Variants in POU2F1 observed in about 807,000 individuals in gnomAD.
The protein encoded by POU2F1 is POU domain, class 2, transcription factor 1.
A neutral mutation model predicts 84.9 loss-of-function variants in POU2F1; 16 were observed. The observed-to-expected ratio is 0.19, with a 90% confidence interval of 0.13 to 0.29. The LOEUF is 0.29. Ranked by LOEUF, POU2F1 falls within the 10% of genes least tolerant of loss-of-function variation. The pLI is 1.00. For missense variants in POU2F1, 738 were observed against 942.6 expected (o/e 0.78, Z 2.84); for synonymous variants, 368 against 368.3 (o/e 1.00, Z 0.01).
rs970076058 is a variant in POU2F1 at position 167,419,620 on chromosome 1, A to G, written c.*3810A>G. 6.6e-5 allele frequency: 10 copies of G among 152,262 alleles called. No homozygotes were observed. Among genetic ancestry groups the G allele is most frequent in the Non-Finnish European group, 1.3e-4 (9 of 68,046 alleles). The allele number at this position is 152,262 out of a possible 1,614,324, so 9.4% of individuals were successfully genotyped here. A position where few individuals can be genotyped will look rare whatever the true frequency, so the allele number is the denominator to read the frequency against. On this transcript the variant is annotated 3_prime_UTR_variant, in exon 16 of 16. Coordinates refer to ENST00000367866, the MANE Select transcript of POU2F1 (RefSeq NM_002697.4). The stretch of plus-strand genomic sequence containing the variant: ...TTACTATGTTGTTCTAAGAAAAAAT[A>G]AGTTGAGTGCTGTATTAGTTTAAGT...
At chr1:167,257,955 A>AT (rs1651271961) in intron 1 of POU2F1, 1 of 150,810 alleles carries the variant, frequency 6.6e-6, no homozygotes, top group Non-Finnish European at 1.5e-5. Context: ...TTTTTTTTTA[A>AT]TTTATTTTCT....
intron 1 of POU2F1, among the ~76,000 whole-genome samples, chr1:167,231,666 A>G (rs897561661): frequency 3.3e-5 from 5 of 152,172 alleles, no homozygotes; most frequent in African/African-American, 7.2e-5. Context: ...CTCAAAATGT[A>G]TATTGGTCAG....
At chr1:167,353,082 G>A (rs1417346308) in intron 2 of POU2F1, among the ~76,000 whole-genome samples, 1 of 152,178 alleles carries the variant, frequency 6.6e-6, no homozygotes, top group Admixed American at 6.5e-5. Flanking sequence ...GGGAGATGAG[G>A]ACTCTCCAGT....
In POU2F1 at chr1:167,313,780, T is replaced by C. The variant is rs1001471974; in HGVS notation, c.62-18690T>C. On this transcript the variant is annotated intron_variant, in intron 1 of 15. Transcript: ENST00000367866. ...ATATTTTGCTATGTGCAAACCTCTG[T>C]TAAGAGGATGAAAAGACATGGTCCA... is the stretch of plus-strand genomic sequence containing the variant. Among the ~76,000 whole-genome samples, 6 of 152,184 alleles carry C rather than the reference T, an allele frequency of 3.9e-5. No homozygotes were observed. The East Asian group carries it at 1.2e-3, about 29-fold the overall frequency.
chr1:167,273,312 G>A (rs1652502484), intron 1 of POU2F1, among the ~76,000 whole-genome samples: 1 of 152,198 alleles, frequency 6.6e-6, no homozygotes. Flanking sequence ...TACCATTCTG[G>A]GGTCTGGAGG....
At chr1:167,230,360 T>C (rs1648977585) in intron 1 of POU2F1, among the ~76,000 whole-genome samples, 1 of 152,178 alleles carries the variant, frequency 6.6e-6, no homozygotes, top group Non-Finnish European at 1.5e-5. Flanking sequence ...GACAAGTTAC[T>C]TCACCATGGA....
intron 2 of POU2F1, among the ~76,000 whole-genome samples, chr1:167,350,021 C>T (rs1333805388): frequency 6.6e-6 from 1 of 152,084 alleles, no homozygotes; most frequent in African/African-American, 2.4e-5. Flanking sequence ...ATTCATATTT[C>T]AAAGTAATCA....
intron 1 of POU2F1, among the ~76,000 whole-genome samples, chr1:167,278,819 A>T (rs1221153684): frequency 6.6e-6 from 1 of 152,084 alleles, no homozygotes; most frequent in Admixed American, 6.5e-5. Flanking sequence ...ATAGAATTTA[A>T]TAAAATTCTA....
In POU2F1 at chr1:167,425,073, T is replaced by C. The variant is rs1380298616; in HGVS notation, c.*9263T>C. On this transcript the variant is annotated 3_prime_UTR_variant, in exon 16 of 16. Coordinates refer to ENST00000367866, the MANE Select transcript of POU2F1 (RefSeq NM_002697.4). The stretch of plus-strand genomic sequence containing the variant: ...TTATTATTATTATTATTTGACAATC[T>C]TATATCCAATGGGCTCTCTAGAAGC... 6.6e-6 allele frequency: 1 copy of C among 152,006 alleles called. No individual in the cohort carries two copies. The highest frequency in any genetic ancestry group is 1.5e-5 in the Non-Finnish European group (1 of 68,014). The allele number at this position is 152,006 out of a possible 1,614,324, so 9.4% of individuals were successfully genotyped here.
chr1:167,339,778 C>T (rs1003271015), intron 2 of POU2F1, among the ~76,000 whole-genome samples: 6 of 152,190 alleles, frequency 3.9e-5, no homozygotes, highest in African/African-American at 1.2e-4. Flanking sequence ...CATTTTAACT[C>T]TTTTCCATTC....
At chr1:167,317,807 A>G (rs111726466) in intron 1 of POU2F1, among the ~76,000 whole-genome samples, 5 of 152,300 alleles carry the variant, frequency 3.3e-5, no homozygotes, top group African/African-American at 1.2e-4. Flanking sequence ...CCATTTTGGG[A>G]GCCTGTCTAT....
intron 2 of POU2F1, among the ~76,000 whole-genome samples, chr1:167,355,004 A>G (rs1217642321): frequency 1.3e-5 from 2 of 152,006 alleles, no homozygotes; most frequent in African/African-American, 2.4e-5. Context: ...TGAGCTTTTA[A>G]TTTTAAAGTA....
chr1:167,329,175 A>C (rs566829496), intron 1 of POU2F1: 1 of 1,491,096 alleles, frequency 6.7e-7, no homozygotes, highest in Admixed American at 2.2e-5. Flanking sequence ...TTAAGAACAT[A>C]CTGTAGATTT....
At chr1:167,273,961 A>G (rs565027301) in intron 1 of POU2F1, among the ~76,000 whole-genome samples, 4 of 152,354 alleles carry the variant, frequency 2.6e-5, no homozygotes, top group Admixed American at 2.0e-4. Context: ...CCAGGAGCAT[A>G]CTGTTCATGT....
intron 2 of POU2F1, among the ~76,000 whole-genome samples, chr1:167,352,064 C>T (rs1195657750): frequency 6.6e-6 from 1 of 152,014 alleles, no homozygotes; most frequent in Non-Finnish European, 1.5e-5. Context: ...TTGGAGATGA[C>T]ATTGAAGGAT....
intron 1 of POU2F1, among the ~76,000 whole-genome samples, chr1:167,224,401 T>C (rs1194648617): frequency 1.3e-5 from 2 of 152,314 alleles, no homozygotes; most frequent in East Asian, 3.9e-4. Flanking sequence ...GAAATGATAA[T>C]GTTGAAAATA....
chr1:167,382,518 A>C (rs891812579), intron 7 of POU2F1, among the ~76,000 whole-genome samples: 1 of 152,148 alleles, frequency 6.6e-6, no homozygotes, highest in African/African-American at 2.4e-5. Flanking sequence ...GGCTGCATAG[A>C]TTTTGTTCTA....
intron 2 of POU2F1, among the ~76,000 whole-genome samples, chr1:167,346,006 A>C (rs2101770164): frequency 6.6e-6 from 1 of 151,900 alleles, no homozygotes; most frequent in East Asian, 1.9e-4. Flanking sequence ...TACAAAAAAA[A>C]AAAAAAAAAC....
At chr1:167,267,022 T>C (rs1359821592) in intron 1 of POU2F1, among the ~76,000 whole-genome samples, 1 of 152,160 alleles carries the variant, frequency 6.6e-6, no homozygotes, top group East Asian at 1.9e-4. Flanking sequence ...TGGAGGTTTG[T>C]TTGTAAAGTG....
Sources: allele counts gnomAD v4.1 joint callset (sites outside exome capture counted in the v4.1 genomes callset), GRCh38; gene constraint gnomAD v4.1.1; transcripts MANE v1.5; gene names NCBI Gene and HGNC (gene_info 2026-07-23, HGNC 2026-07-21).